Variants in PTPRM observed in about 807,000 individuals in gnomAD.
PTPRM encodes the protein protein tyrosine phosphatase receptor type M.
PTPRM carries 47 observed loss-of-function variants against 186.7 expected under a neutral mutation model. The observed-to-expected ratio is 0.25, with a 90% confidence interval of 0.20 to 0.32. The LOEUF (loss-of-function observed/expected upper bound fraction) is 0.32. Ranked by LOEUF, PTPRM falls within the 10% of genes least tolerant of loss-of-function variation. The pLI is 1.00. For synonymous variants in PTPRM, 668 were observed against 674.9 expected (o/e 0.99, Z 0.16); for missense variants, 1,494 against 1,865.0 (o/e 0.80, Z 3.66).
chr18:7,845,288 T>G (rs1016000278), intron 2 of PTPRM, among the ~76,000 whole-genome samples: 1 of 152,174 alleles, frequency 6.6e-6, no homozygotes, highest in African/African-American at 2.4e-5. Context: ...TGTTCAAAAT[T>G]GTTGCATTTC....
intron 19 of PTPRM, among the ~76,000 whole-genome samples, chr18:8,280,907 T>A (rs951598625): frequency 6.6e-6 from 1 of 152,182 alleles, no homozygotes; most frequent in Non-Finnish European, 1.5e-5. Flanking sequence ...ACGGTCTAAT[T>A]GTGCCAGTAA....
intron 7 of PTPRM, among the ~76,000 whole-genome samples, chr18:8,037,593 A>G (rs1208551926): frequency 6.6e-6 from 1 of 152,192 alleles, no homozygotes; most frequent in African/African-American, 2.4e-5. Context: ...AAACAGTCTG[A>G]ATTCCTGTAA....
intron 14 of PTPRM, among the ~76,000 whole-genome samples, chr18:8,182,817 A>G (rs1391912560): frequency 6.6e-6 from 1 of 152,172 alleles, no homozygotes; most frequent in Admixed American, 6.5e-5. Flanking sequence ...AAGTAAAATA[A>G]TCTATCATCT....
chr18:7,879,574 G>A (rs2048400429), intron 2 of PTPRM, among the ~76,000 whole-genome samples: 1 of 152,056 alleles, frequency 6.6e-6, no homozygotes, highest in Admixed American at 6.6e-5. Context: ...TTTTTCTTCA[G>A]CTCAATATTT....
intron 19 of PTPRM, among the ~76,000 whole-genome samples, chr18:8,265,881 A>T (rs531716471): frequency 6.6e-6 from 1 of 152,270 alleles, no homozygotes; most frequent in Admixed American, 6.5e-5. Flanking sequence ...GAGATGCTGG[A>T]TTTCCAGTTT....
intron 6 of PTPRM, among the ~76,000 whole-genome samples, chr18:7,952,804 G>A (rs567703347): frequency 3.3e-5 from 5 of 152,194 alleles, no homozygotes; most frequent in African/African-American, 9.6e-5. Flanking sequence ...TCAGGAGTTC[G>A]AGACCAGCCC....
intron 14 of PTPRM, among the ~76,000 whole-genome samples, chr18:8,189,338 T>A (rs111848849): frequency 1.7e-4 from 25 of 148,058 alleles, no homozygotes; most frequent in African/African-American, 5.9e-4. Flanking sequence ...GAAGAAAACA[T>A]CCCCTGTTTT....
chr18:8,033,130 A>G (rs376123634), intron 7 of PTPRM, among the ~76,000 whole-genome samples: 178 of 152,314 alleles, frequency 1.2e-3, no homozygotes, highest in African/African-American at 4.0e-3. Flanking sequence ...AAAAATTTAA[A>G]ATCTGAAGTA....
chr18:8,032,555 T>A lies in PTPRM; in HGVS notation c.1133-37131T>A, dbSNP rs544805936. Among the ~76,000 whole-genome samples, 86 of 152,242 alleles carry A rather than the reference T, an allele frequency of 5.6e-4. 1 individual carries two copies. The highest frequency in any genetic ancestry group is 1.9e-3 in the African/African-American group (79 of 41,562). On this transcript the variant is annotated intron_variant, in intron 7 of 32. Coordinates refer to ENST00000580170, the MANE Select transcript of PTPRM (RefSeq NM_001105244.2). Reference sequence around the variant, plus strand: ...GTTCTCCCAAGAGTAATCTACAAATTTAATATAATTTCAATTAAAATCCCA... The same window carrying A: ...GTTCTCCCAAGAGTAATCTACAAATATAATATAATTTCAATTAAAATCCCA...
At chr18:7,643,327 T>TTTTTTA (rs1466794622) in intron 1 of PTPRM, among the ~76,000 whole-genome samples, 1 of 152,102 alleles carries the variant, frequency 6.6e-6, no homozygotes, top group Admixed American at 6.6e-5. Flanking sequence ...CATTCCTTTA[T>TTTTTTA]TTTTTATTTT....
intron 31 of PTPRM, among the ~76,000 whole-genome samples, chr18:8,392,925 G>A (rs1260702454): frequency 6.6e-6 from 1 of 152,046 alleles, no homozygotes; most frequent in Non-Finnish European, 1.5e-5. Context: ...ACAATAATAG[G>A]GAAGAAGAGA....
At chr18:8,217,663 G>C (rs2094106153) in intron 14 of PTPRM, among the ~76,000 whole-genome samples, 1 of 152,112 alleles carries the variant, frequency 6.6e-6, no homozygotes, top group South Asian at 2.1e-4. Context: ...TAGTGCCCTG[G>C]AAATGACTCC....
intron 7 of PTPRM, among the ~76,000 whole-genome samples, chr18:8,033,058 G>GT (rs1242276625): frequency 6.6e-6 from 1 of 152,092 alleles, no homozygotes; most frequent in South Asian, 2.1e-4. Flanking sequence ...TGACTACATA[G>GT]TTTTACATCT....
At position 8,163,011 on chromosome 18, in the gene PTPRM, C is replaced by G. The variant is rs137925750; in HGVS notation, c.2300+19232C>G. On this transcript the variant is annotated intron_variant, in intron 14 of 32. Coordinates refer to ENST00000580170, the MANE Select transcript of PTPRM (RefSeq NM_001105244.2). The stretch of plus-strand genomic sequence containing the variant: ...GCCACACACCTGCCCTCAGCCAGCT[C>G]TAGCGCCTTCCTGCAACCAGTGTCC... 5.9e-3 allele frequency among the ~76,000 whole-genome samples: 905 copies of G among 152,308 alleles called. 4 individuals carry two copies. The highest frequency in any genetic ancestry group is 0.02 in the African/African-American group (847 of 41,566).
chr18:8,337,355 A>G (rs2095445782), intron 22 of PTPRM, among the ~76,000 whole-genome samples: 1 of 152,182 alleles, frequency 6.6e-6, no homozygotes, highest in South Asian at 2.1e-4. Flanking sequence ...TGTACTTTAC[A>G]TGAGAGTGTG....
Position 8,243,923 on chromosome 18 carries a change from A to C in PTPRM, c.2301-135A>C. 8.6e-6 allele frequency: 7 copies of C among 818,552 alleles called. No individual in the cohort carries two copies. The South Asian group carries it at 1.4e-4, about 16-fold the overall frequency. The allele number at this position is 818,552 out of a possible 1,614,324, so 50.7% of individuals were successfully genotyped here. On this transcript the variant is annotated intron_variant, in intron 14 of 32. Coordinates refer to ENST00000580170, the MANE Select transcript of PTPRM (RefSeq NM_001105244.2). Reference sequence around the variant, plus strand: ...CCTGGCAGAGTGCTTGCCACAAATAAGGCACTATACATCCATCTCTGAATG... The same window carrying C: ...CCTGGCAGAGTGCTTGCCACAAATACGGCACTATACATCCATCTCTGAATG...
chr18:8,034,161 G>A (rs549863790), intron 7 of PTPRM, among the ~76,000 whole-genome samples: 13 of 147,944 alleles, frequency 8.8e-5, no homozygotes, highest in African/African-American at 1.7e-4. Context: ...TTTTTTTTCC[G>A]AACTAGGTCA....
At chr18:8,040,865 A>G (rs913244186) in intron 7 of PTPRM, among the ~76,000 whole-genome samples, 2 of 152,186 alleles carry the variant, frequency 1.3e-5, no homozygotes, top group Non-Finnish European at 2.9e-5. Context: ...GATTACACCA[A>G]TCAGAATCTC....
intron 1 of PTPRM, among the ~76,000 whole-genome samples, chr18:7,733,871 C>T (rs774655782): frequency 6.6e-6 from 1 of 152,160 alleles, no homozygotes; most frequent in Non-Finnish European, 1.5e-5. Flanking sequence ...CCAGGCAAGC[C>T]CCCTGGGCAG....
Sources: allele counts gnomAD v4.1 joint callset (sites outside exome capture counted in the v4.1 genomes callset), GRCh38; gene constraint gnomAD v4.1.1; transcripts MANE v1.5; gene names NCBI Gene and HGNC (gene_info 2026-07-23, HGNC 2026-07-21).